Variants in SLC4A4 observed in about 807,000 individuals in gnomAD.
SLC4A4 encodes the protein electrogenic sodium bicarbonate cotransporter 1.
SLC4A4 carries 27 observed loss-of-function variants against 111.5 expected under a neutral mutation model. The observed-to-expected ratio is 0.24, with a 90% CI of 0.18 to 0.33. The LOEUF (loss-of-function observed/expected upper bound fraction) is 0.33, where lower values mean the gene tolerates loss of function less well. SLC4A4 is among the 10% of genes least tolerant of loss of function. SLC4A4 has a pLI of 1.00. For synonymous variants in SLC4A4, 443 were observed against 463.4 expected (o/e 0.96, Z 0.57); for missense variants, 909 against 1,315.5 (o/e 0.69, Z 4.78).
intron 7 of SLC4A4, among the ~76,000 whole-genome samples, chr4:71,406,978 T>C (rs1263962828): frequency 6.6e-6 from 1 of 152,190 alleles, no homozygotes; most frequent in African/African-American, 2.4e-5. Flanking sequence ...ATTTGACATA[T>C]TGGCAAACTG....
intron 2 of SLC4A4, among the ~76,000 whole-genome samples, chr4:71,120,467 A>G (rs1743382445): frequency 6.6e-6 from 1 of 152,236 alleles, no homozygotes; most frequent in Non-Finnish European, 1.5e-5. Flanking sequence ...AGATGCCATC[A>G]GGGAAATCCT....
intron 18 of SLC4A4, among the ~76,000 whole-genome samples, chr4:71,545,191 T>C (rs535791108): frequency 1.3e-5 from 2 of 152,122 alleles, no homozygotes; most frequent in South Asian, 2.1e-4. Flanking sequence ...ATGCTTTTCT[T>C]TCTTGTACTA....
At chr4:71,554,911 A>C (rs1408617504) in intron 20 of SLC4A4, among the ~76,000 whole-genome samples, 1 of 151,852 alleles carries the variant, frequency 6.6e-6, no homozygotes, top group Non-Finnish European at 1.5e-5. Flanking sequence ...TCACTAAAAA[A>C]ACAAGCATCC....
chr4:71,438,538 C>T (rs1577903683), intron 7 of SLC4A4, among the ~76,000 whole-genome samples: 1 of 152,226 alleles, frequency 6.6e-6, no homozygotes, highest in East Asian at 1.9e-4. Flanking sequence ...CTGATTTTTC[C>T]TTCTTCATGA....
intron 8 of SLC4A4, among the ~76,000 whole-genome samples, chr4:71,443,940 G>C (rs193221099): frequency 6.6e-6 from 1 of 152,094 alleles, no homozygotes; most frequent in African/African-American, 2.4e-5. Context: ...AATATTTACC[G>C]CATGTAATGC....
Position 71,314,316 on chromosome 4 carries a change from G to C in SLC4A4, c.254-25054G>C, listed in dbSNP as rs189637278. Among the ~76,000 whole-genome samples the C allele has an allele frequency of 1.1e-3, 171 of 152,328 alleles. 1 individual carries two copies. The highest frequency in any genetic ancestry group is 4.0e-3 in the African/African-American group (167 of 41,582). On this transcript the variant is annotated intron_variant, in intron 3 of 25. Transcript: ENST00000264485. ...GGAGAATTAGGAATGCTTTTACACT[G>C]TTGGTGGAGTGTAAATTAGTTCCAC...
In SLC4A4 at chr4:71,395,634, T is replaced by A. The variant is rs546206564; in HGVS notation, c.731-1943T>A. 6.6e-5 allele frequency among the ~76,000 whole-genome samples: 10 copies of A among 152,336 alleles called. No individual in the cohort carries two copies. In the East Asian group the frequency reaches 1.9e-3, roughly 29 times the overall value. ...TAATGAAAACCTCATTAATTTGGCT[T>A]CTACCTATTCAGATTTTGCAGCAGT... On this transcript the variant is annotated intron_variant, in intron 6 of 25. Transcript: ENST00000264485.
intron 3 of SLC4A4, among the ~76,000 whole-genome samples, chr4:71,317,749 C>CG (rs1234225143): frequency 6.6e-6 from 1 of 151,900 alleles, no homozygotes; most frequent in Non-Finnish European, 1.5e-5. Context: ...AGGAAGAGTA[C>CG]GGACTTTATG....
chr4:71,220,105 G>T (rs1300477234), intron 1 of SLC4A4, among the ~76,000 whole-genome samples: 1 of 152,204 alleles, frequency 6.6e-6, no homozygotes, highest in Non-Finnish European at 1.5e-5. Flanking sequence ...TCTACTGTGG[G>T]TAAAATGCTG....
intron 6 of SLC4A4, among the ~76,000 whole-genome samples, chr4:71,380,795 C>T (rs1300645952): frequency 3.3e-5 from 5 of 152,094 alleles, no homozygotes; most frequent in Non-Finnish European, 7.4e-5. Context: ...CCTTGCTATT[C>T]CTCCCTCTGC....
rs1033865269 is a variant in SLC4A4, at chr4:71,288,359, T to C, written c.253+32960T>C. Among the ~76,000 whole-genome samples the C allele has an allele frequency of 2.6e-5, 4 of 152,256 alleles. 1 individual carries two copies. Among genetic ancestry groups the C allele is most frequent in the Admixed American group, 2.6e-4 (4 of 15,290 alleles). On this transcript the variant is annotated intron_variant, in intron 3 of 25. Transcript: ENST00000264485. Reference sequence around the variant, plus strand: ...TAGAGACAGTCTATGCAGCACTTGATGGTCTAGCCTGAAATCAAGGAGTCA... The same window carrying C: ...TAGAGACAGTCTATGCAGCACTTGACGGTCTAGCCTGAAATCAAGGAGTCA...
chr4:71,463,481 C>CT (rs1424243824), intron 12 of SLC4A4, among the ~76,000 whole-genome samples: 1 of 152,122 alleles, frequency 6.6e-6, no homozygotes, highest in Non-Finnish European at 1.5e-5. Context: ...GGAAACATCT[C>CT]TAAGTTTAAG....
At chr4:71,107,140 T>C (rs1002215186) in intron 2 of SLC4A4, among the ~76,000 whole-genome samples, 1 of 151,960 alleles carries the variant, frequency 6.6e-6, no homozygotes, top group African/African-American at 2.4e-5. Context: ...ATCTTGTAGA[T>C]AGCATATAGA....
In SLC4A4 at chr4:71,447,749, G is replaced by A. The variant is rs1323524242; in HGVS notation, c.1053+16G>A. The A allele has an allele frequency of 6.6e-7, 1 of 1,518,058 alleles. No homozygotes were observed. Among genetic ancestry groups the A allele is most frequent in the Admixed American group, 1.7e-5 (1 of 59,632 alleles). 94.0% of individuals were successfully genotyped at this position (1,518,058 alleles called of 1,614,324 possible). On this transcript the variant is annotated intron_variant, in intron 9 of 25. Transcript: ENST00000264485. Reference sequence around the variant, plus strand: ...GTCTGATGAGGTAGGAAATCAGGAAGATGGAGTTCTGTGAATGTCCTACTT... The same window carrying A: ...GTCTGATGAGGTAGGAAATCAGGAAAATGGAGTTCTGTGAATGTCCTACTT...
chr4:71,271,377 G>A (rs894162737), intron 3 of SLC4A4, among the ~76,000 whole-genome samples: 5 of 152,188 alleles, frequency 3.3e-5, no homozygotes, highest in Non-Finnish European at 7.3e-5. Flanking sequence ...AGTACCTACA[G>A]TGATATCTTC....
chr4:71,450,835 G>A (rs1468523202), intron 10 of SLC4A4, among the ~76,000 whole-genome samples: 1 of 152,198 alleles, frequency 6.6e-6, no homozygotes, highest in African/African-American at 2.4e-5. Context: ...GGGACCCCCT[G>A]TATATCTGGA....
chr4:71,501,778 C>T (rs1373933754), intron 16 of SLC4A4, among the ~76,000 whole-genome samples: 1 of 151,810 alleles, frequency 6.6e-6, no homozygotes, highest in African/African-American at 2.4e-5. Flanking sequence ...TCTCCTGCCT[C>T]AGCCTCCCAG....
chr4:71,462,988 G>C (rs1424159792), intron 12 of SLC4A4, among the ~76,000 whole-genome samples: 1 of 152,142 alleles, frequency 6.6e-6, no homozygotes, highest in African/African-American at 2.4e-5. Flanking sequence ...AATTTACTGA[G>C]GTGAAGTGAC....
intron 2 of SLC4A4, among the ~76,000 whole-genome samples, chr4:71,160,660 G>T (rs34885818): frequency 3.2e-4 from 43 of 134,998 alleles, no homozygotes; most frequent in African/African-American, 1.4e-3. Context: ...TAGGAGCTTA[G>T]AAAAAAAGAA....
Sources: allele counts gnomAD v4.1 joint callset (sites outside exome capture counted in the v4.1 genomes callset), GRCh38; gene constraint gnomAD v4.1.1; transcripts MANE v1.5; gene names NCBI Gene and HGNC (gene_info 2026-07-23, HGNC 2026-07-21).